CRHBP: variants seen among roughly 807,000 people sequenced by gnomAD.
The protein encoded by CRHBP is corticotropin releasing hormone binding protein, also known as corticotropin-releasing hormone-binding protein.
In CRHBP, 19 loss-of-function variants were observed where a neutral mutation model predicts 34.9. The observed-to-expected ratio is 0.55, with a 90% CI of 0.38 to 0.80. The LOEUF (loss-of-function observed/expected upper bound fraction) is 0.80, where lower values mean the gene tolerates loss of function less well. Ranked by LOEUF, CRHBP falls within the 30% of genes least tolerant of loss-of-function variation. The pLI is 0.00. For missense variants in CRHBP, 328 were observed against 409.2 expected (o/e 0.80, Z 1.71); for synonymous variants, 154 against 153.4 (o/e 1.00, Z -0.03).
chr5:76,953,476 C>A (rs1745605760), intron 1 of CRHBP, 125 bp from the exon 2 acceptor site: 1 of 1,069,866 alleles, frequency 9.3e-7, no homozygotes, highest in Non-Finnish European at 1.4e-6. Flanking sequence ...TCTCCGGACA[C>A]GGGAAAACAT....
chr5:76,961,740 T>TTTTG lies in CRHBP; in HGVS notation c.694-1595_694-1592dup, dbSNP rs1288674877. On this transcript the variant is annotated intron_variant, in intron 5 of 6. Coordinates refer to ENST00000274368, the MANE Select transcript of CRHBP (RefSeq NM_001882.4). ...TGTATTCCAATGCTCTTCTGTGTTT[T>TTTTG]TTTGTTTGTTTTGTTTTGTTTTGTT... is the stretch of plus-strand genomic sequence containing the variant. 3.3e-5 allele frequency among the ~76,000 whole-genome samples: 5 copies of TTTTG among 152,124 alleles called. No homozygotes were observed. The South Asian group carries it at 1.0e-3, about 32-fold the overall frequency.
intron 2 of CRHBP, 99 bp from the exon 3 acceptor site, chr5:76,953,930 A>T: frequency 1.4e-6 from 2 of 1,432,508 alleles, no homozygotes; most frequent in South Asian, 1.3e-5. Context: ...GCTGGGCACT[A>T]CAGAGCCCGG....
At chr5:76,969,923 C>T (rs1045889077), downstream of CRHBP, among the ~76,000 whole-genome samples, 4 of 90,622 alleles carry the variant, frequency 4.4e-5, no homozygotes, top group South Asian at 1.4e-3. Flanking sequence ...TTCTAAGCTA[C>T]AAAGAAAATT....
intron 3 of CRHBP, among the ~76,000 whole-genome samples, chr5:76,954,682 T>G (rs1368521742): frequency 1.3e-5 from 2 of 152,130 alleles, no homozygotes; most frequent in Non-Finnish European, 1.5e-5. Flanking sequence ...ACAGAGGCTG[T>G]CTTCAGTGCG....
chr5:76,967,372 C>T (rs1397313880), intron 6 of CRHBP, among the ~76,000 whole-genome samples: 3 of 152,162 alleles, frequency 2.0e-5, no homozygotes, highest in Admixed American at 6.6e-5. Context: ...TGACTTTTAT[C>T]TCAATAACTC....
intron 5 of CRHBP, among the ~76,000 whole-genome samples, chr5:76,959,888 T>G (rs1471377483): frequency 6.6e-6 from 1 of 152,230 alleles, no homozygotes; most frequent in African/African-American, 2.4e-5. Context: ...AGATCTGCAC[T>G]TTAGTTATTG....
intron 4 of CRHBP, among the ~76,000 whole-genome samples, chr5:76,956,798 A>C (rs1745677870): frequency 6.6e-6 from 1 of 152,216 alleles, no homozygotes; most frequent in South Asian, 2.1e-4. Context: ...TGTTTAAAAA[A>C]TTAGAAAAGG....
At chr5:76,966,143 C>T (rs985868226) in intron 6 of CRHBP, among the ~76,000 whole-genome samples, 1 of 152,128 alleles carries the variant, frequency 6.6e-6, no homozygotes, top group Non-Finnish European at 1.5e-5. Context: ...CTCTGCCTCC[C>T]GAGTAGCTGG....
intron 4 of CRHBP, among the ~76,000 whole-genome samples, chr5:76,956,174 A>T (rs1163850645): frequency 1.3e-5 from 2 of 152,198 alleles, no homozygotes; most frequent in East Asian, 3.9e-4. Context: ...CTTCCAAGTC[A>T]TTTCACTAAT....
chr5:76,965,443 T>C (rs958468163), intron 6 of CRHBP, among the ~76,000 whole-genome samples: 2 of 152,244 alleles, frequency 1.3e-5, no homozygotes, highest in African/African-American at 2.4e-5. Flanking sequence ...CTAATGCTAA[T>C]TGACACTTGA....
chr5:76,955,579 C>G (rs1745655498), intron 3 of CRHBP, 74 bp from the exon 4 acceptor site: 1 of 1,392,664 alleles, frequency 7.2e-7, no homozygotes, highest in African/African-American at 1.4e-5. Flanking sequence ...ATGACTTTCC[C>G]CCCCTTTTCA....
intron 5 of CRHBP, among the ~76,000 whole-genome samples, chr5:76,962,578 A>G (rs1012146376): frequency 1.3e-5 from 2 of 151,816 alleles, no homozygotes; most frequent in African/African-American, 4.8e-5. Flanking sequence ...TAGGAGTTCA[A>G]GACCGGCCTG....
rs1314114530 is a variant in CRHBP at position 76,953,756 on chromosome 5, G to A, written c.175+62G>A. On this transcript the variant is annotated intron_variant, in intron 2 of 6. Coordinates refer to ENST00000274368, the MANE Select transcript of CRHBP (RefSeq NM_001882.4). ...CGCGGGGAAGGTGGGACTCTGTGCG[G>A]GGGGCAGAGGGCTCGCGGACATCTC... 1.8e-5 allele frequency: 27 copies of A among 1,476,954 alleles called. 1 individual carries two copies. The highest frequency in any genetic ancestry group is 4.8e-5 in the South Asian group (4 of 83,160). 91.5% of individuals were successfully genotyped at this position (1,476,954 alleles called of 1,614,324 possible).
chr5:76,976,068 A>G (rs1367216742), intron 2 of CRHBP, among the ~76,000 whole-genome samples: 1 of 151,280 alleles, frequency 6.6e-6, no homozygotes, highest in African/African-American at 2.4e-5. Flanking sequence ...ATCCAGGCTT[A>G]TTAGCAGAGG....
In CRHBP at chr5:76,975,825, A is replaced by AAAAATAT; in HGVS notation, n.312-539_312-538insAAATATA. ...TCTCAAAAAAAAAAAAAAAAAAAAAAATATATATATATATATATATACACG... is the reference window on the plus strand; with the variant it reads ...TCTCAAAAAAAAAAAAAAAAAAAAAAAAAATATATATATATATATATATATATACACG... On this transcript the variant is annotated intron_variant and non_coding_transcript_variant, in intron 2 of 3. Transcript: ENST00000514258. Among the ~76,000 whole-genome samples the AAAAATAT allele has an allele frequency of 5.0e-4, 31 of 61,850 alleles. 1 individual carries two copies. The highest frequency in any genetic ancestry group is 7.2e-4 in the Admixed American group (4 of 5,588). The allele number at this position is 61,850 out of a possible 152,430, so 40.6% of individuals were successfully genotyped here. A position where few individuals can be genotyped will look rare whatever the true frequency, so the allele number is the denominator to read the frequency against.
At chr5:76,962,223 A>G (rs7718461) in intron 5 of CRHBP, among the ~76,000 whole-genome samples, 76,220 of 151,946 alleles carry the variant, frequency 0.5, 21,020 homozygotes, top group African/African-American at 0.74. Flanking sequence ...CTTCAATGAA[A>G]AAGAGGATCA....
downstream of CRHBP, among the ~76,000 whole-genome samples, chr5:76,969,934 C>CTTTTTTTTTTTT (rs201228247): frequency 2.1e-4 from 13 of 61,634 alleles, no homozygotes; most frequent in Non-Finnish European, 3.2e-4. Context: ...AAAGAAAATT[C>CTTTTTTTTTTTT]TTTTTTTTTT....
chr5:76,971,151 T>C (rs1180087031), downstream of CRHBP, among the ~76,000 whole-genome samples: 1 of 152,196 alleles, frequency 6.6e-6, no homozygotes, highest in Non-Finnish European at 1.5e-5. Flanking sequence ...AGAAAGGAAG[T>C]ATAGCGTAGT....
At position 76,953,072 on chromosome 5, in the gene CRHBP, G is replaced by C. The variant is rs535953382; in HGVS notation, c.-63G>C. On this transcript the variant is annotated 5_prime_UTR_variant, in exon 1 of 7. Coordinates refer to ENST00000274368, the MANE Select transcript of CRHBP (RefSeq NM_001882.4). ...CTTCTAGCTCTCAGTCTGCGCGAGG[G>C]TGTAGGAAGGAAAGCCCAGGACCTC... 1 of 1,532,680 alleles carries C rather than the reference G, an allele frequency of 6.5e-7. No individual in the cohort carries two copies. Among genetic ancestry groups the C allele is most frequent in the Non-Finnish European group, 9.0e-7 (1 of 1,106,332 alleles). 94.9% of individuals were successfully genotyped at this position (1,532,680 alleles called of 1,614,324 possible).
Sources: gnomAD v4.1 joint callset for allele counts (sites outside exome capture counted in the v4.1 genomes callset) on GRCh38, gnomAD v4.1.1 for gene constraint, MANE v1.5 for transcripts, NCBI Gene and HGNC (gene_info 2026-07-23, HGNC 2026-07-21) for gene names.